The following DYNC2I1 variants were observed in gnomAD, a reference collection of about 807,000 sequenced individuals.
DYNC2I1 encodes cytoplasmic dynein 2 intermediate chain 1.
A neutral mutation model predicts 133.4 loss-of-function variants in DYNC2I1; 89 were observed. That is an observed-to-expected ratio of 0.67 (90% CI 0.56 to 0.80). The LOEUF (loss-of-function observed/expected upper bound fraction) is 0.80, where lower values mean the gene tolerates loss of function less well. DYNC2I1 is among the 30% of genes least tolerant of loss of function. DYNC2I1 has a pLI of 0.00. For synonymous variants in DYNC2I1, 504 were observed against 484.3 expected (o/e 1.04, Z -0.54); for missense variants, 1,291 against 1,314.5 (o/e 0.98, Z 0.28).
intron 8 of DYNC2I1, among the ~76,000 whole-genome samples, chr7:158,892,938 C>CAAAA (rs35161914): frequency 9.5e-6 from 1 of 105,764 alleles, no homozygotes. Context: ...AACTCCATCT[C>CAAAA]AAAAAAAAAA....
chr7:158,861,958 T>G (rs1230735309), intron 1 of DYNC2I1, among the ~76,000 whole-genome samples: 2 of 152,192 alleles, frequency 1.3e-5, no homozygotes, highest in African/African-American at 4.8e-5. Flanking sequence ...ATTTGATAAC[T>G]TAAAAATTCT....
At chr7:158,896,373 G>A (rs1297285932) in intron 8 of DYNC2I1, among the ~76,000 whole-genome samples, 3 of 152,164 alleles carry the variant, frequency 2.0e-5, no homozygotes, top group African/African-American at 7.2e-5. Flanking sequence ...TTAGCCTGTT[G>A]ATTTGATGGA....
intron 14 of DYNC2I1, among the ~76,000 whole-genome samples, chr7:158,915,249 A>G (rs1847948920): frequency 6.6e-6 from 1 of 151,984 alleles, no homozygotes; most frequent in Non-Finnish European, 1.5e-5. Context: ...GCTGGTTGAC[A>G]TTAAGAATGA....
chr7:158,853,954 A>G (rs970650279), upstream of DYNC2I1, among the ~76,000 whole-genome samples: 1 of 148,652 alleles, frequency 6.7e-6, no homozygotes, highest in African/African-American at 2.5e-5. Flanking sequence ...TGCCCAGTGG[A>G]GTTTTATTAT....
intron 1 of DYNC2I1, among the ~76,000 whole-genome samples, chr7:158,868,996 C>T (rs1584966676): frequency 1.3e-5 from 2 of 152,200 alleles, no homozygotes; most frequent in African/African-American, 4.8e-5. Context: ...GAGACAACAG[C>T]AGCCTTCTAA....
chr7:158,862,710 C>G (rs548483791), intron 1 of DYNC2I1, among the ~76,000 whole-genome samples: 1 of 152,040 alleles, frequency 6.6e-6, no homozygotes, highest in East Asian at 1.9e-4. Context: ...CTGGTGGGTT[C>G]TTGGTCTCGC....
At chr7:158,930,907 A>G (rs1850157465) in intron 21 of DYNC2I1, among the ~76,000 whole-genome samples, 1 of 152,036 alleles carries the variant, frequency 6.6e-6, no homozygotes, top group South Asian at 2.1e-4. Flanking sequence ...ATCTCAGGTG[A>G]TCCACCCACC....
chr7:158,895,323 A>G (rs1403854587), intron 8 of DYNC2I1, among the ~76,000 whole-genome samples: 1 of 152,122 alleles, frequency 6.6e-6, no homozygotes, highest in Non-Finnish European at 1.5e-5. Flanking sequence ...TGTTTTCTTG[A>G]GGGGTGTAAG....
In DYNC2I1 at chr7:158,942,131, G is replaced by T; in HGVS notation, c.2985G>T (p.Gln995His). 1 of 1,557,650 alleles carries T rather than the reference G, an allele frequency of 6.4e-7. No homozygotes were observed. The highest frequency in any genetic ancestry group is 1.2e-5 in the South Asian group (1 of 82,298). ...LQSDLGPVAK[Q>H]QVSPNRLVAM... Reference sequence around the variant, plus strand: ...GCGATCTGGGTCCTGTCGCCAAACAGCAGGTCTCCCCCAACAGGCAAGTGG... The same window carrying T: ...GCGATCTGGGTCCTGTCGCCAAACATCAGGTCTCCCCCAACAGGCAAGTGG... The change falls in exon 24 of 25, where the codon CAG (glutamine) becomes CAT (histidine). Residue 995 changes from glutamine (Q) to histidine (H), a missense_variant. Gln to His is a conservative substitution (Grantham distance 24). Coordinates refer to ENST00000407559, the MANE Select transcript of DYNC2I1 (RefSeq NM_018051.5).
chr7:158,950,447 G>C (rs5018043), downstream of DYNC2I1, among the ~76,000 whole-genome samples: 226 of 114,474 alleles, frequency 2.0e-3, no homozygotes, highest in Middle Eastern at 4.9e-3. Context: ...TATACTGCAC[G>C]GGGACCAGCC....
At chr7:158,867,499 A>G (rs973205392) in intron 1 of DYNC2I1, among the ~76,000 whole-genome samples, 1 of 151,934 alleles carries the variant, frequency 6.6e-6, no homozygotes, top group Non-Finnish European at 1.5e-5. Context: ...AGGAATCACT[A>G]TCGCGAGGGT....
intron 1 of DYNC2I1, among the ~76,000 whole-genome samples, chr7:158,859,259 A>T (rs989656953): frequency 2.0e-5 from 3 of 151,968 alleles, no homozygotes; most frequent in African/African-American, 7.2e-5. Context: ...AGTTTGGCTT[A>T]GCATAGAATT....
In DYNC2I1 at chr7:158,882,476, C is replaced by T. The variant is rs568578247; in HGVS notation, c.880-2088C>T. Among the ~76,000 whole-genome samples, 37 of 151,316 alleles carry T rather than the reference C, an allele frequency of 2.4e-4. No homozygotes were observed. The South Asian group carries it at 7.7e-3, about 32-fold the overall frequency. The stretch of plus-strand genomic sequence containing the variant: ...CACACAGCTGTAGTCCCAGCTACTA[C>T]AGAAGCTGAGGTGGGAGGATCACTT... On this transcript the variant is annotated intron_variant, in intron 5 of 24. Coordinates refer to ENST00000407559, the MANE Select transcript of DYNC2I1 (RefSeq NM_018051.5).
chr7:158,951,516 A>G (rs1005359544), intron 4 of DYNC2I1, among the ~76,000 whole-genome samples: 26 of 152,176 alleles, frequency 1.7e-4, no homozygotes, highest in African/African-American at 6.3e-4. Flanking sequence ...ACAAGGAGAG[A>G]CTGGGCGTGT....
In DYNC2I1 at chr7:158,902,629, C is replaced by T. The variant is rs779209849; in HGVS notation, c.1357+34C>T. ...ATCAATGCTACTAATGGTGTCCGTG[C>T]TCTTAGGGCTCTGTGTACTGAGCCC... On this transcript the variant is annotated intron_variant, in intron 10 of 24. Coordinates refer to ENST00000407559, the MANE Select transcript of DYNC2I1 (RefSeq NM_018051.5). 6 of 1,591,340 alleles carry T rather than the reference C, an allele frequency of 3.8e-6. 1 individual carries two copies. In the Admixed American group the frequency reaches 6.8e-5, roughly 18 times the overall value.
intron 24 of DYNC2I1, among the ~76,000 whole-genome samples, chr7:158,943,297 C>T (rs979116880): frequency 4.6e-5 from 7 of 152,322 alleles, no homozygotes; most frequent in Middle Eastern, 3.4e-3. Flanking sequence ...TCCATGCCTG[C>T]GTTACAGGAT....
chr7:158,941,872 G>A, intron 23 of DYNC2I1, 53 bp from the exon 24 acceptor site: 7 of 1,543,998 alleles, frequency 4.5e-6, no homozygotes, highest in Non-Finnish European at 6.1e-6. Flanking sequence ...GTGAGACCCT[G>A]TCTCAAAAAG....
At chr7:158,930,823 G>A (rs1304333626) in intron 21 of DYNC2I1, among the ~76,000 whole-genome samples, 1 of 151,844 alleles carries the variant, frequency 6.6e-6, no homozygotes, top group Non-Finnish European at 1.5e-5. Flanking sequence ...GCCTGCCACC[G>A]TGCCCGGCTA....
intron 5 of DYNC2I1, 105 bp downstream of exon 5, chr7:158,880,094 T>C (rs1409477044): frequency 7.6e-7 from 1 of 1,322,830 alleles, no homozygotes; most frequent in Non-Finnish European, 1.0e-6. Context: ...ATTTGTGGCC[T>C]AGTAGTAGTA....
Sources: allele counts gnomAD v4.1 joint callset (sites outside exome capture counted in the v4.1 genomes callset), GRCh38; gene constraint gnomAD v4.1.1; transcripts MANE v1.5; gene names NCBI Gene and HGNC (gene_info 2026-07-23, HGNC 2026-07-21).